Variants in NELL1 observed in about 807,000 individuals in gnomAD.
NELL1 encodes neural EGFL like 1.
In NELL1, 76 loss-of-function variants were observed where a neutral mutation model predicts 107.4. That is an observed-to-expected ratio of 0.71 (90% CI 0.59 to 0.86). The LOEUF (loss-of-function observed/expected upper bound fraction) is 0.86, where lower values mean the gene tolerates loss of function less well. Ranked by LOEUF, NELL1 falls within the 40% of genes least tolerant of loss-of-function variation. The pLI is 0.00. For missense variants in NELL1, 1,024 were observed against 1,005.5 expected (o/e 1.02, Z -0.25); for synonymous variants, 353 against 341.2 (o/e 1.03, Z -0.38).
At chr11:21,229,695 T>C (rs544209655) in intron 14 of NELL1, among the ~76,000 whole-genome samples, 1 of 152,314 alleles carries the variant, frequency 6.6e-6, no homozygotes, top group Admixed American at 6.5e-5. Flanking sequence ...ACTTGATGGC[T>C]CTGTTCAGCT....
intron 13 of NELL1, among the ~76,000 whole-genome samples, chr11:21,165,099 T>C (rs968034971): frequency 2.0e-5 from 3 of 152,310 alleles, no homozygotes; most frequent in South Asian, 4.1e-4. Context: ...AAAGGTTGAA[T>C]CCAGAAAGTT....
intron 12 of NELL1, among the ~76,000 whole-genome samples, chr11:21,098,197 G>C (rs930479014): frequency 6.6e-6 from 1 of 152,096 alleles, no homozygotes; most frequent in Non-Finnish European, 1.5e-5. Context: ...CTTTTCTATG[G>C]TAATTATTTT....
intron 3 of NELL1, among the ~76,000 whole-genome samples, chr11:20,784,413 C>A (rs368538371): frequency 9.9e-5 from 15 of 151,982 alleles, no homozygotes; most frequent in African/African-American, 3.4e-4. Flanking sequence ...ATGCTGAATG[C>A]GAAGGAGTAA....
chr11:21,451,452 C>A (rs1273962512), intron 15 of NELL1, among the ~76,000 whole-genome samples: 1 of 151,916 alleles, frequency 6.6e-6, no homozygotes, highest in East Asian at 1.9e-4. Context: ...GGGTTTTTTC[C>A]TGGAGACAAT....
chr11:21,147,421 T>G lies in NELL1; in HGVS notation c.1426+33707T>G, dbSNP rs182119456. 1.2e-4 allele frequency among the ~76,000 whole-genome samples: 18 copies of G among 152,240 alleles called. No individual in the cohort carries two copies. In the East Asian group the frequency reaches 3.5e-3, roughly 29 times the overall value. On this transcript the variant is annotated intron_variant, in intron 13 of 19. Coordinates refer to ENST00000357134, the MANE Select transcript of NELL1 (RefSeq NM_006157.5). ...GGAATTGTGTTTAGGGGTTATAGCA[T>G]AGGAGAAATACACAGCTATCTTAGC... is the stretch of plus-strand genomic sequence containing the variant.
intron 13 of NELL1, 40 bp downstream of exon 13, chr11:21,113,754 A>T (rs767178014): frequency 8.7e-6 from 14 of 1,602,112 alleles, no homozygotes; most frequent in Non-Finnish European, 1.2e-5. Flanking sequence ...TAATTCATCC[A>T]TTCTCTGCAC....
chr11:21,493,748 G>C (rs555989636), intron 15 of NELL1, among the ~76,000 whole-genome samples: 1 of 151,914 alleles, frequency 6.6e-6, no homozygotes, highest in Non-Finnish European at 1.5e-5. Flanking sequence ...TTGAAGAGAG[G>C]ACTTGAAATG....
At chr11:20,833,692 G>A (rs1322033216) in intron 3 of NELL1, among the ~76,000 whole-genome samples, 1 of 152,158 alleles carries the variant, frequency 6.6e-6, no homozygotes, top group African/African-American at 2.4e-5. Flanking sequence ...ACCCTATGTG[G>A]TGGTGGGGAG....
chr11:20,714,577 A>C (rs1233688375), intron 2 of NELL1, among the ~76,000 whole-genome samples: 1 of 151,596 alleles, frequency 6.6e-6, no homozygotes, highest in Non-Finnish European at 1.5e-5. Context: ...GCTGCAGTGC[A>C]GTGGCATGTT....
At chr11:21,194,281 G>A (rs1857105267) in intron 13 of NELL1, among the ~76,000 whole-genome samples, 1 of 149,238 alleles carries the variant, frequency 6.7e-6, no homozygotes, top group Admixed American at 6.6e-5. Flanking sequence ...TAAAGTTGGT[G>A]CTTATCCACA....
At chr11:20,826,372 C>T (rs1392142025) in intron 3 of NELL1, among the ~76,000 whole-genome samples, 2 of 151,290 alleles carry the variant, frequency 1.3e-5, no homozygotes, top group African/African-American at 2.4e-5. Context: ...ATTCTCCTTA[C>T]ATGCATTACT....
chr11:21,503,438 A>C (rs1348208185), intron 15 of NELL1, among the ~76,000 whole-genome samples: 1 of 152,132 alleles, frequency 6.6e-6, no homozygotes, highest in Non-Finnish European at 1.5e-5. Flanking sequence ...AAATAAAAGA[A>C]CCAAGAATTC....
chr11:21,257,439 T>C (rs1415158586), intron 14 of NELL1, among the ~76,000 whole-genome samples: 1 of 152,010 alleles, frequency 6.6e-6, no homozygotes, highest in Non-Finnish European at 1.5e-5. Flanking sequence ...CACCTTCCTT[T>C]TGATCAGGCC....
chr11:21,427,322 T>G (rs1160869798), intron 15 of NELL1, among the ~76,000 whole-genome samples: 1 of 152,182 alleles, frequency 6.6e-6, no homozygotes, highest in African/African-American at 2.4e-5. Flanking sequence ...CTCCATCAAG[T>G]TGATGTAACA....
chr11:20,705,196 C>A (rs550719064), intron 2 of NELL1, among the ~76,000 whole-genome samples: 32 of 152,290 alleles, frequency 2.1e-4, no homozygotes, highest in Non-Finnish European at 2.8e-4. Flanking sequence ...AAAGAGCCCA[C>A]ATTGCCAAGT....
chr11:20,757,255 A>G (rs1856318127), intron 2 of NELL1, among the ~76,000 whole-genome samples: 1 of 152,048 alleles, frequency 6.6e-6, no homozygotes, highest in Admixed American at 6.6e-5. Context: ...TTGTGCAATA[A>G]TCACCACTAT....
At chr11:20,915,868 A>G (rs1172994569) in intron 5 of NELL1, among the ~76,000 whole-genome samples, 2 of 151,202 alleles carry the variant, frequency 1.3e-5, no homozygotes, top group Non-Finnish European at 3.0e-5. Context: ...TAAATTGTCC[A>G]TATAGCAATT....
intron 12 of NELL1, among the ~76,000 whole-genome samples, chr11:21,049,226 C>G (rs889137933): frequency 6.6e-6 from 1 of 152,160 alleles, no homozygotes; most frequent in Non-Finnish European, 1.5e-5. Context: ...AGGGAAATTC[C>G]CAGAAAGAGA....
At chr11:20,859,281 AG>A (rs1848935757) in intron 4 of NELL1, among the ~76,000 whole-genome samples, 1 of 152,130 alleles carries the variant, frequency 6.6e-6, no homozygotes, top group Admixed American at 6.5e-5. Flanking sequence ...ATAAATTCCA[AG>A]TATAGCTGAT....
Sources: allele counts gnomAD v4.1 joint callset (sites outside exome capture counted in the v4.1 genomes callset), GRCh38; gene constraint gnomAD v4.1.1; transcripts MANE v1.5; gene names NCBI Gene and HGNC (gene_info 2026-07-23, HGNC 2026-07-21).